WDR7: variants seen among roughly 807,000 people sequenced by gnomAD.
WDR7 encodes the protein WD repeat domain 7.
WDR7 carries 46 observed loss-of-function variants against 169.4 expected under a neutral mutation model. The observed-to-expected ratio is 0.27, with a 90% CI of 0.21 to 0.35. The LOEUF is 0.35. Ranked by LOEUF, WDR7 falls within the 10% of genes least tolerant of loss-of-function variation. WDR7 has a pLI of 1.00. For synonymous variants in WDR7, 612 were observed against 666.8 expected (o/e 0.92, Z 1.27); for missense variants, 1,534 against 1,859.3 (o/e 0.83, Z 3.22).
intron 19 of WDR7, 47 bp downstream of exon 19, chr18:56,781,703 A>AAAAGGT: frequency 6.8e-7 from 1 of 1,480,330 alleles, no homozygotes; most frequent in Non-Finnish European, 9.0e-7. Flanking sequence ...GAATATGTAG[A>AAAAGGT]AAAGGTACCT....
chr18:56,910,177 A>C (rs754396865), intron 21 of WDR7, among the ~76,000 whole-genome samples: 34 of 152,318 alleles, frequency 2.2e-4, no homozygotes, highest in Non-Finnish European at 4.6e-4. Flanking sequence ...TAAAATGTTC[A>C]AAAGTGAACA....
rs1226155711 is a variant in WDR7 at position 56,684,745 on chromosome 18, G to T, written c.521-1211G>T. Among the ~76,000 whole-genome samples the T allele has an allele frequency of 4.0e-5, 6 of 148,686 alleles. No homozygotes were observed. In the South Asian group the frequency reaches 1.2e-3, roughly 31 times the overall value. ...TTTGTTAATAGGTATTTGTCAAAAA[G>T]GTGGGATCTCTGGTTAAATATATTT... On this transcript the variant is annotated intron_variant, in intron 5 of 27. Transcript: ENST00000254442.
chr18:56,697,621 A>G (rs1441619596), intron 12 of WDR7, among the ~76,000 whole-genome samples: 1 of 152,192 alleles, frequency 6.6e-6, no homozygotes, highest in Non-Finnish European at 1.5e-5. Flanking sequence ...AATTACATTA[A>G]TAAATTAAGG....
chr18:56,935,770 T>G lies in WDR7; in HGVS notation c.3714-18T>G. The G allele has an allele frequency of 6.2e-7, 1 of 1,611,472 alleles. No homozygotes were observed. Among genetic ancestry groups the G allele is most frequent in the Non-Finnish European group, 8.5e-7 (1 of 1,177,780 alleles). The stretch of plus-strand genomic sequence containing the variant: ...AATGCTTCTTTTCTTTTTTTCCCTT[T>G]TTCTGATCCCTGTTTAGCATCACAA... On this transcript the variant is annotated intron_variant, in intron 22 of 27. Coordinates refer to ENST00000254442, the MANE Select transcript of WDR7 (RefSeq NM_015285.3).
At chr18:56,743,135 G>A (rs2043645571) in intron 14 of WDR7, among the ~76,000 whole-genome samples, 1 of 152,148 alleles carries the variant, frequency 6.6e-6, no homozygotes, top group African/African-American at 2.4e-5. Flanking sequence ...CTGATTGGGT[G>A]ATAGAATAGA....
At chr18:56,833,260 G>A (rs1318363146) in intron 20 of WDR7, among the ~76,000 whole-genome samples, 2 of 151,780 alleles carry the variant, frequency 1.3e-5, no homozygotes, top group Admixed American at 1.3e-4. Flanking sequence ...TCAACTTAAT[G>A]AAATAAATTG....
intron 12 of WDR7, among the ~76,000 whole-genome samples, chr18:56,716,088 C>T (rs1477875058): frequency 2.6e-5 from 4 of 150,982 alleles, no homozygotes; most frequent in African/African-American, 9.7e-5. Flanking sequence ...TTTGTTCTAA[C>T]ATACCCAAAT....
rs757234459 is a variant in WDR7, at chr18:56,758,996, T to G, written c.2848+43T>G. 1.8e-5 allele frequency: 27 copies of G among 1,516,796 alleles called. No individual in the cohort carries two copies. The East Asian group carries it at 5.7e-4, about 32-fold the overall frequency. The allele number at this position is 1,516,796 out of a possible 1,614,324, so 94.0% of individuals were successfully genotyped here. ...TAAGTAATTGACATGACATTTCAGC[T>G]CTAGAAACTGAGGAGGCATAGCTAA... is the stretch of plus-strand genomic sequence containing the variant. On this transcript the variant is annotated intron_variant, in intron 16 of 27. Transcript: ENST00000254442.
At chr18:56,691,931 T>A (rs2025580269) in intron 9 of WDR7, 114 bp downstream of exon 9, 4 of 731,684 alleles carry the variant, frequency 5.5e-6, no homozygotes, top group Non-Finnish European at 8.3e-6. Flanking sequence ...AAGCACTGTG[T>A]TAAATGTAAA....
intron 1 of WDR7, among the ~76,000 whole-genome samples, chr18:56,659,015 C>CACACG (rs2024843038): frequency 6.6e-6 from 1 of 152,106 alleles, no homozygotes; most frequent in Non-Finnish European, 1.5e-5. Context: ...CGCGCCCGGC[C>CACACG]CCCTGTACTT....
intron 26 of WDR7, among the ~76,000 whole-genome samples, chr18:56,963,474 A>G (rs2047363332): frequency 6.6e-6 from 1 of 152,138 alleles, no homozygotes; most frequent in Admixed American, 6.6e-5. Flanking sequence ...CTTTCCATGA[A>G]GTAGTTCTAA....
intron 1 of WDR7, among the ~76,000 whole-genome samples, chr18:56,665,613 C>T (rs1399883280): frequency 1.3e-5 from 2 of 152,106 alleles, no homozygotes; most frequent in African/African-American, 2.4e-5. Flanking sequence ...AAAGCTCTAT[C>T]ATAATTTATT....
intron 17 of WDR7, 54 bp from the exon 18 acceptor site, chr18:56,779,372 GTTGAC>G: frequency 7.3e-7 from 1 of 1,370,726 alleles, no homozygotes; most frequent in Non-Finnish European, 1.0e-6. Context: ...ATAAAGAACT[GTTGAC>G]TTAGGGAATG....
chr18:56,956,740 C>A, intron 25 of WDR7, among the ~76,000 whole-genome samples: 1 of 152,076 alleles, frequency 6.6e-6, no homozygotes, highest in Non-Finnish European at 1.5e-5. Flanking sequence ...ATCCAGTATG[C>A]ATGATGAATA....
At chr18:56,758,825 G>A (rs1479790890) in intron 15 of WDR7, 40 bp from the exon 16 acceptor site, 1 of 1,472,604 alleles carries the variant, frequency 6.8e-7, no homozygotes. Context: ...AAATATGACA[G>A]TATCAAAATA....
intron 20 of WDR7, among the ~76,000 whole-genome samples, chr18:56,839,845 G>A (rs1001346238): frequency 9.9e-5 from 15 of 152,086 alleles, no homozygotes; most frequent in African/African-American, 2.4e-4. Context: ...GTCAGGTCAC[G>A]CCGTCAGGTG....
chr18:56,962,046 C>G (rs2047345603), intron 25 of WDR7, among the ~76,000 whole-genome samples: 1 of 152,098 alleles, frequency 6.6e-6, no homozygotes, highest in Non-Finnish European at 1.5e-5. Flanking sequence ...GTCTTCTCAT[C>G]TTTTCCATTT....
chr18:56,919,860 A>G (rs1306250602), intron 21 of WDR7, among the ~76,000 whole-genome samples: 1 of 152,216 alleles, frequency 6.6e-6, no homozygotes, highest in East Asian at 1.9e-4. Context: ...TTCTAATCAC[A>G]TGACACCTCA....
At chr18:56,786,328 C>G (rs1194687377) in intron 19 of WDR7, among the ~76,000 whole-genome samples, 5 of 152,054 alleles carry the variant, frequency 3.3e-5, no homozygotes, top group Non-Finnish European at 7.4e-5. Flanking sequence ...CTCAGGAGTT[C>G]AAGACCAGCC....
Sources: gnomAD v4.1 joint callset for allele counts (sites outside exome capture counted in the v4.1 genomes callset) on GRCh38, gnomAD v4.1.1 for gene constraint, MANE v1.5 for transcripts, NCBI Gene and HGNC (gene_info 2026-07-23, HGNC 2026-07-21) for gene names.